Variants in RSL1D1 observed in about 807,000 individuals in gnomAD.
RSL1D1 encodes the protein ribosomal L1 domain containing 1.
Under a neutral mutation model 44.6 loss-of-function variants are expected in RSL1D1, and 34 were observed. The ratio of observed to expected loss-of-function variants is 0.76; its 90% CI spans 0.58 to 1.02. The LOEUF (loss-of-function observed/expected upper bound fraction) is 1.02, where lower values mean the gene tolerates loss of function less well. Among genes scored for constraint, RSL1D1 ranks in the 50% least tolerant of loss-of-function variants. RSL1D1 has a pLI of 0.00. For missense variants in RSL1D1, 767 were observed against 568.1 expected (o/e 1.35, Z -3.56); for synonymous variants, 271 against 207.4 (o/e 1.31, Z -2.63).
intron 5 of RSL1D1, among the ~76,000 whole-genome samples, chr16:11,844,664 G>A (rs1439359637): frequency 1.3e-5 from 2 of 152,190 alleles, no homozygotes; most frequent in Non-Finnish European, 2.9e-5. Flanking sequence ...GGTGAGCAGA[G>A]GCAAGAAGTC....
chr16:11,839,228 T>C (rs2053745077), intron 8 of RSL1D1, among the ~76,000 whole-genome samples: 1 of 151,932 alleles, frequency 6.6e-6, no homozygotes, highest in African/African-American at 2.4e-5. Context: ...TAGCTGGGCA[T>C]GGTAGTGCGC....
chr16:11,839,614 A>T, intron 8 of RSL1D1, 81 bp downstream of exon 8: 2 of 1,529,762 alleles, frequency 1.3e-6, no homozygotes, highest in Non-Finnish European at 8.7e-7. Context: ...ATTTTTCATC[A>T]TTTATTGCTC....
intron 2 of RSL1D1, among the ~76,000 whole-genome samples, chr16:11,849,680 A>T (rs1567421983): frequency 6.6e-6 from 1 of 152,150 alleles, no homozygotes; most frequent in East Asian, 1.9e-4. Flanking sequence ...TTTCTAATAA[A>T]AAAATAAAAT....
At chr16:11,845,836 C>G (rs931777745) in intron 5 of RSL1D1, among the ~76,000 whole-genome samples, 6 of 152,090 alleles carry the variant, frequency 3.9e-5, no homozygotes, top group African/African-American at 1.2e-4. Context: ...ATCCTCCTGC[C>G]ACAGCCTCCT....
chr16:11,842,553 G>T (rs367854930), intron 5 of RSL1D1, among the ~76,000 whole-genome samples: 14 of 151,956 alleles, frequency 9.2e-5, no homozygotes, highest in African/African-American at 2.9e-4. Context: ...GTAGAGATGG[G>T]TTCTCACTCC....
chr16:11,844,053 C>T (rs1443836826), intron 5 of RSL1D1, among the ~76,000 whole-genome samples: 2 of 152,134 alleles, frequency 1.3e-5, no homozygotes, highest in East Asian at 3.9e-4. Context: ...GGCTCACTGT[C>T]GGCACAGTGT....
Position 11,836,704 on chromosome 16 carries a change from C to T in RSL1D1, c.*1083G>A, listed in dbSNP as rs985743348. 7.9e-5 allele frequency: 12 copies of T among 152,156 alleles called. No homozygotes were observed. The highest frequency in any genetic ancestry group is 2.9e-4 in the African/African-American group (12 of 41,418). The allele number at this position is 152,156 out of a possible 1,614,324, so 9.4% of individuals were successfully genotyped here. On this transcript the variant is annotated 3_prime_UTR_variant, in exon 9 of 9. Transcript: ENST00000571133. ...GTATAAATGACTCCATGTTAATTTCCCTTCCCATATGGATGCTAATCCAGT... is the reference window on the plus strand; with the variant it reads ...GTATAAATGACTCCATGTTAATTTCTCTTCCCATATGGATGCTAATCCAGT...
rs760528378 is a variant in RSL1D1, at chr16:11,847,695, G to C, written c.357C>G (p.Asn119Lys). The change falls in exon 3 of 9, where the codon AAC (asparagine) becomes AAG (lysine). Residue 119 changes from asparagine to lysine, a missense_variant. Coordinates refer to ENST00000571133, the MANE Select transcript of RSL1D1 (RefSeq NM_015659.3). ...KTEQFYRKLLNKHGIKTVSQI... is the reference protein window; with the variant it reads ...KTEQFYRKLLKKHGIKTVSQI... ...GAGAAACGGTTTTAATTCCATGCTT[G>C]TTTAAAAGCTTTCTATAAAACTGTT... is the stretch of plus-strand genomic sequence containing the variant. The C allele has an allele frequency of 1.2e-6, 2 of 1,612,362 alleles. No individual in the cohort carries two copies. Among genetic ancestry groups the C allele is most frequent in the Admixed American group, 3.4e-5 (2 of 59,618 alleles).
At chr16:11,841,653 CCCTTCAT>C in intron 7 of RSL1D1, 35 bp downstream of exon 7, 1 of 1,564,014 alleles carries the variant, frequency 6.4e-7, no homozygotes, top group Non-Finnish European at 8.7e-7. Flanking sequence ...TGAATTTACA[CCCTTCAT>C]TATTCATTCT....
rs748671990 is a variant in RSL1D1, at chr16:11,837,785, C to T, written c.*2G>A. Reference sequence around the variant, plus strand: ...GGTTTCCTTCCAGTTGAATCACTGACTTTAGGTCGACTGGGGTACTTTGGG... The same window carrying T: ...GGTTTCCTTCCAGTTGAATCACTGATTTTAGGTCGACTGGGGTACTTTGGG... On this transcript the variant is annotated 3_prime_UTR_variant, in exon 9 of 9. Transcript: ENST00000571133. 1.2e-6 allele frequency: 2 copies of T among 1,601,632 alleles called. No individual in the cohort carries two copies. The highest frequency in any genetic ancestry group is 1.7e-5 in the Admixed American group (1 of 57,242).
intron 2 of RSL1D1, chr16:11,849,189 G>C (rs934241472): frequency 9.9e-5 from 15 of 152,236 alleles, no homozygotes; most frequent in African/African-American, 3.6e-4. Flanking sequence ...TTCGAGACCA[G>C]CCTGGAGAAC....
chr16:11,839,927 T>C lies in RSL1D1; in HGVS notation c.914A>G (p.Lys305Arg), dbSNP rs371221543. Residue 305 changes from lysine (K) to arginine (R), a missense_variant, in exon 8 of 9, where the codon AAG (lysine) becomes AGG (arginine). Transcript: ENST00000571133. Reference sequence around the variant, plus strand: ...TGCAGTCTTCCTAGCCTGCTGCCTCTTCTTCTTCCTCTCCTTTTGTTTTTC... The same window carrying C: ...TGCAGTCTTCCTAGCCTGCTGCCTCCTCTTCTTCCTCTCCTTTTGTTTTTC... ...NFEKQKERKK[K>R]RQQARKTASV... 29 of 1,613,180 alleles carry C rather than the reference T, an allele frequency of 1.8e-5. No individual in the cohort carries two copies. The highest frequency in any genetic ancestry group is 8.9e-5 in the East Asian group (4 of 44,834).
intron 5 of RSL1D1, 39 bp downstream of exon 5, chr16:11,846,462 C>A: frequency 2.0e-6 from 2 of 1,001,176 alleles, no homozygotes; most frequent in South Asian, 1.4e-5. Flanking sequence ...TTGTCAAATA[C>A]AAGATTAAAA....
In RSL1D1 at chr16:11,847,670, G is replaced by C; in HGVS notation, c.382C>G (p.Gln128Glu). ...AAAATATTAACCAGGCTTCCTACCT[G>C]AGAAACGGTTTTAATTCCATGCTTG... ...LNKHGIKTVS[Q>E]IISLQTLKKE... Residue 128 changes from glutamine (Q) to glutamate (E), a missense_variant and splice_region_variant, in exon 3 of 9, where the codon CAG (glutamine) becomes GAG (glutamate). Physicochemically the swap from Gln to Glu is conservative, Grantham distance 29. Coordinates refer to ENST00000571133, the MANE Select transcript of RSL1D1 (RefSeq NM_015659.3). The C allele has an allele frequency of 6.2e-7, 1 of 1,606,346 alleles. No individual in the cohort carries two copies. The highest frequency in any genetic ancestry group is 8.5e-7 in the Non-Finnish European group (1 of 1,177,316).
chr16:11,846,667 A>G lies in RSL1D1; in HGVS notation c.533+28T>C, dbSNP rs199929232. ...ACACACCTAGAAGCTTCATGCTGCT[A>G]AAGTCCAGTCATTACTAAGAAACTT... is the stretch of plus-strand genomic sequence containing the variant. On this transcript the variant is annotated intron_variant, in intron 4 of 8. Coordinates refer to ENST00000571133, the MANE Select transcript of RSL1D1 (RefSeq NM_015659.3). 164 of 1,613,062 alleles carry G rather than the reference A, an allele frequency of 1.0e-4. 1 individual carries two copies. Among genetic ancestry groups the G allele is most frequent in the Non-Finnish European group, 1.2e-4 (142 of 1,179,378 alleles).
chr16:11,840,132 T>G, intron 7 of RSL1D1, 147 bp from the exon 8 acceptor site: 1 of 1,294,566 alleles, frequency 7.7e-7, no homozygotes, highest in East Asian at 2.3e-5. Flanking sequence ...TAACCAGCAC[T>G]GGAACCTCAA....
intron 5 of RSL1D1, among the ~76,000 whole-genome samples, chr16:11,842,831 C>A (rs571521584): frequency 5.5e-4 from 84 of 152,022 alleles, no homozygotes; most frequent in Non-Finnish European, 1.1e-3. Flanking sequence ...TCTCGGCCCA[C>A]TGCAACCTTC....
In RSL1D1 at chr16:11,834,308, T is replaced by G. The variant is rs1403494063; in HGVS notation, c.*3479A>C. ...ATTTTTCAGTACAGTACTCATTACA[T>G]GTGTCAACACTTTATTATAAGATAG... On this transcript the variant is annotated 3_prime_UTR_variant, in exon 9 of 9. Transcript: ENST00000571133. 6.6e-6 allele frequency: 1 copy of G among 152,230 alleles called. No homozygotes were observed. The highest frequency in any genetic ancestry group is 2.4e-5 in the African/African-American group (1 of 41,462). 9.4% of individuals were successfully genotyped at this position (152,230 alleles called of 1,614,324 possible).
chr16:11,847,940 C>A lies in RSL1D1; in HGVS notation c.246-134G>T. ...TCATGCTAGTTAAGCAAATAATGCA[C>A]CAAGAACAACACTTAAAAATACATT... On this transcript the variant is annotated intron_variant, in intron 2 of 8. Transcript: ENST00000571133. The A allele has an allele frequency of 4.6e-6, 4 of 860,828 alleles. No individual in the cohort carries two copies. In the South Asian group the frequency reaches 6.1e-5, roughly 13 times the overall value. 53.3% of individuals were successfully genotyped at this position (860,828 alleles called of 1,614,324 possible).
Sources: gnomAD v4.1 joint callset for allele counts (sites outside exome capture counted in the v4.1 genomes callset) on GRCh38, gnomAD v4.1.1 for gene constraint, MANE v1.5 for transcripts, NCBI Gene and HGNC (gene_info 2026-07-23, HGNC 2026-07-21) for gene names.